Variants in XKR6 observed in about 807,000 individuals in gnomAD.
XKR6 encodes XK related 6.
Under a neutral mutation model 56.7 loss-of-function variants are expected in XKR6, and 22 were observed. The observed-to-expected ratio is 0.39, with a 90% confidence interval of 0.28 to 0.55. XKR6 has a LOEUF of 0.55. Among genes scored for constraint, XKR6 ranks in the 20% least tolerant of loss-of-function variants. The pLI is 0.66. For synonymous variants in XKR6, 524 were observed against 387.8 expected (o/e 1.35, Z -4.13); for missense variants, 852 against 889.0 (o/e 0.96, Z 0.53).
chr8:11,184,997 G>A (rs1803196121), intron 1 of XKR6, among the ~76,000 whole-genome samples: 1 of 152,164 alleles, frequency 6.6e-6, no homozygotes, highest in African/African-American at 2.4e-5. Flanking sequence ...TCCCAACCGG[G>A]CCACTGTCTG....
At chr8:11,119,358 T>C (rs770771854) in intron 1 of XKR6, among the ~76,000 whole-genome samples, 2 of 152,226 alleles carry the variant, frequency 1.3e-5, no homozygotes, top group Non-Finnish European at 2.9e-5. Flanking sequence ...AATTCCTGGA[T>C]AGCCTTGTTA....
chr8:10,924,223 T>G (rs1383980229), intron 2 of XKR6, among the ~76,000 whole-genome samples: 1 of 152,224 alleles, frequency 6.6e-6, no homozygotes, highest in African/African-American at 2.4e-5. Context: ...TCTGAAACCA[T>G]TAGTGCTGCC....
chr8:11,098,212 CACACACACACACGCACTCACACACGCACA>C (rs1798335816), intron 1 of XKR6, among the ~76,000 whole-genome samples: 3 of 134,390 alleles, frequency 2.2e-5, no homozygotes, highest in Non-Finnish European at 4.7e-5. Flanking sequence ...GTGACTCTCT[CACACACACACACGCACTCACACACGCACA>C]ACACACACAC....
At chr8:11,198,046 C>A (rs1399646783) in intron 1 of XKR6, among the ~76,000 whole-genome samples, 1 of 152,080 alleles carries the variant, frequency 6.6e-6, no homozygotes, top group Non-Finnish European at 1.5e-5. Flanking sequence ...TGTTATGTGA[C>A]CATAAGAAAT....
At chr8:11,133,670 C>T (rs1053644866) in intron 1 of XKR6, among the ~76,000 whole-genome samples, 2 of 152,126 alleles carry the variant, frequency 1.3e-5, no homozygotes, top group Non-Finnish European at 2.9e-5. Context: ...GGCTATACCT[C>T]CTCCTTTGGA....
At chr8:11,008,066 G>C (rs1798412291) in intron 1 of XKR6, among the ~76,000 whole-genome samples, 1 of 152,180 alleles carries the variant, frequency 6.6e-6, no homozygotes, top group Admixed American at 6.5e-5. Flanking sequence ...TCACACAGGG[G>C]CAAGGCAGTG....
intron 1 of XKR6, among the ~76,000 whole-genome samples, chr8:10,968,178 G>C (rs1008759751): frequency 6.6e-6 from 1 of 152,206 alleles, no homozygotes; most frequent in African/African-American, 2.4e-5. Flanking sequence ...CATCCGGTCT[G>C]TGCTGGTGTT....
intron 1 of XKR6, among the ~76,000 whole-genome samples, chr8:10,928,093 A>G (rs1296567999): frequency 2.6e-5 from 4 of 152,162 alleles, no homozygotes; most frequent in Non-Finnish European, 5.9e-5. Context: ...GGTTTGCAAT[A>G]TAATTAGGTC....
chr8:11,013,889 G>A (rs920501884), intron 1 of XKR6, among the ~76,000 whole-genome samples: 5 of 152,214 alleles, frequency 3.3e-5, no homozygotes, highest in Admixed American at 6.5e-5. Flanking sequence ...CACCTGTACC[G>A]GAGCCCCTCA....
intron 2 of XKR6, among the ~76,000 whole-genome samples, chr8:10,921,502 T>C (rs1470316391): frequency 1.3e-5 from 2 of 152,182 alleles, no homozygotes; most frequent in African/African-American, 4.8e-5. Flanking sequence ...CCGTGGAGTT[T>C]GAAAGTTTAC....
intron 1 of XKR6, among the ~76,000 whole-genome samples, chr8:11,001,763 C>T (rs1329544123): frequency 6.6e-6 from 1 of 152,214 alleles, no homozygotes; most frequent in East Asian, 1.9e-4. Flanking sequence ...CTGCCTGGCT[C>T]CTTCAGAACC....
intron 1 of XKR6, among the ~76,000 whole-genome samples, chr8:11,113,609 C>G (rs745869491): frequency 6.6e-6 from 1 of 152,148 alleles, no homozygotes. Flanking sequence ...ACTTTCTAGT[C>G]TAAAAACCTG....
chr8:11,122,922 T>C (rs566909027), intron 1 of XKR6, among the ~76,000 whole-genome samples: 152 of 152,260 alleles, frequency 1.0e-3, no homozygotes, highest in African/African-American at 3.5e-3. Context: ...ACACAATAAG[T>C]TAAAATTTAA....
At chr8:11,082,651 T>C (rs192738517) in intron 1 of XKR6, among the ~76,000 whole-genome samples, 1 of 152,358 alleles carries the variant, frequency 6.6e-6, no homozygotes, top group African/African-American at 2.4e-5. Flanking sequence ...ACAAGAGTCC[T>C]CTGTCCCAAC....
At chr8:11,198,332 A>C (rs964291989) in intron 1 of XKR6, among the ~76,000 whole-genome samples, 3 of 152,214 alleles carry the variant, frequency 2.0e-5, no homozygotes, top group South Asian at 2.1e-4. Flanking sequence ...CTTCCTCAGT[A>C]AATACTGCTT....
In XKR6 at chr8:11,004,301, A is replaced by G. The variant is rs972256763; in HGVS notation, c.765-79471T>C. ...AGCCTGACAAACATGGTGAAACCTC[A>G]TCTCTACTAAAAATACAAAAATTAA... On this transcript the variant is annotated intron_variant, in intron 1 of 2. Coordinates refer to ENST00000416569, the MANE Select transcript of XKR6 (RefSeq NM_173683.4). Among the ~76,000 whole-genome samples, 42 of 152,068 alleles carry G rather than the reference A, an allele frequency of 2.8e-4. 1 individual carries two copies. Among genetic ancestry groups the G allele is most frequent in the Admixed American group, 2.6e-4 (4 of 15,268 alleles).
chr8:10,944,872 G>A, intron 1 of XKR6, among the ~76,000 whole-genome samples: 1 of 152,196 alleles, frequency 6.6e-6, no homozygotes, highest in East Asian at 1.9e-4. Context: ...GCTGAACAAT[G>A]GTGGTGGGCT....
chr8:10,982,645 C>T (rs1273345963), intron 1 of XKR6, among the ~76,000 whole-genome samples: 3 of 152,170 alleles, frequency 2.0e-5, no homozygotes, highest in African/African-American at 4.8e-5. Flanking sequence ...GGAGTCAGAT[C>T]GTTTTATGAG....
intron 1 of XKR6, among the ~76,000 whole-genome samples, chr8:11,103,853 G>T (rs1798577882): frequency 6.6e-6 from 1 of 152,166 alleles, no homozygotes; most frequent in Non-Finnish European, 1.5e-5. Context: ...TTTCTCTGCT[G>T]CAAAATTGGG....
Sources: gnomAD v4.1 joint callset for allele counts (sites outside exome capture counted in the v4.1 genomes callset) on GRCh38, gnomAD v4.1.1 for gene constraint, MANE v1.5 for transcripts, NCBI Gene and HGNC (gene_info 2026-07-23, HGNC 2026-07-21) for gene names.